The following NOTCH1 variants were observed in gnomAD, a reference collection of about 807,000 sequenced individuals.
NOTCH1 encodes notch receptor 1.
Under a neutral mutation model 254.8 loss-of-function variants are expected in NOTCH1, and 37 were observed. The ratio of observed to expected loss-of-function variants is 0.15; its 90% CI spans 0.11 to 0.19. The LOEUF is 0.19. Ranked by LOEUF, NOTCH1 falls within the 10% of genes least tolerant of loss-of-function variation. The probability of loss-of-function intolerance (pLI) is 1.00; values close to 1 mark genes in which losing one functional copy is unlikely to be tolerated. For missense variants in NOTCH1, 2,972 were observed against 3,708.6 expected (o/e 0.80, Z 5.16); for synonymous variants, 1,731 against 1,618.1 (o/e 1.07, Z -1.68).
In NOTCH1 at chr9:136,540,712, G is replaced by A. The variant is rs1286414187; in HGVS notation, c.140+3312C>T. ...GGCCAGGCCAGGCCTCAGACACGAG[G>A]TTGTCCAAAGCTAAAGCGCACCACC... is the stretch of plus-strand genomic sequence containing the variant. On this transcript the variant is annotated intron_variant, in intron 2 of 33. Coordinates refer to ENST00000651671, the MANE Select transcript of NOTCH1 (RefSeq NM_017617.5). The surrounding 1 kb of genome is among the most constrained non-coding windows in gnomAD (Gnocchi z 4.4). Among the ~76,000 whole-genome samples, 1 of 152,094 alleles carries A rather than the reference G, an allele frequency of 6.6e-6. No homozygotes were observed. Among genetic ancestry groups the A allele is most frequent in the African/African-American group, 2.4e-5 (1 of 41,398 alleles).
At position 136,519,628 on chromosome 9, in the gene NOTCH1, C is replaced by T. The variant is rs754652168; in HGVS notation, c.743-63G>A. On this transcript the variant is annotated intron_variant, in intron 4 of 33. Coordinates refer to ENST00000651671, the MANE Select transcript of NOTCH1 (RefSeq NM_017617.5). ...GTCCAGTCCGGCTCCTGCCTGGACC[C>T]CCGACACACTGCTCTGGACACAAGA... 5 of 1,609,580 alleles carry T rather than the reference C, an allele frequency of 3.1e-6. No individual in the cohort carries two copies. In the African/African-American group the frequency reaches 6.7e-5, roughly 21 times the overall value.
At chr9:136,507,178 G>C in intron 22 of NOTCH1, 127 bp downstream of exon 22, 1 of 1,545,410 alleles carries the variant, frequency 6.5e-7, no homozygotes, top group Non-Finnish European at 8.9e-7. Flanking sequence ...GTCGGCCTTG[G>C]CCTCACACAG....
chr9:136,523,149 G>T lies in NOTCH1; in HGVS notation c.443C>A (p.Pro148His). ...CQQADPCASN[P>H]CANGGQCLPF... The stretch of plus-strand genomic sequence containing the variant: ...CAGGCACTGGCCACCGTTGGCGCAG[G>T]GGTTGGAGGCGCACGGGTCAGCCTG... Residue 148 changes from proline to histidine, a missense_variant, in exon 4 of 34, where the codon CCC becomes CAC. Physicochemically the swap from Pro to His is moderately conservative, Grantham distance 77. Transcript: ENST00000651671. The T allele has an allele frequency of 6.2e-7, 1 of 1,606,178 alleles. No homozygotes were observed. The highest frequency in any genetic ancestry group is 1.1e-5 in the South Asian group (1 of 89,622).
intron 4 of NOTCH1, among the ~76,000 whole-genome samples, chr9:136,520,320 C>CT (rs936323964): frequency 5.3e-5 from 8 of 152,158 alleles, no homozygotes; most frequent in African/African-American, 1.9e-4. Context: ...GCCCCTCCCT[C>CT]TGAGACATTG....
At chr9:136,497,778 G>A (rs757382444) in intron 33 of NOTCH1, among the ~76,000 whole-genome samples, 5 of 152,192 alleles carry the variant, frequency 3.3e-5, no homozygotes, top group African/African-American at 9.7e-5. Flanking sequence ...ACCCAGAGAG[G>A]GGATCTGTGC....
chr9:136,500,917 A>C (rs1842985540), intron 30 of NOTCH1, 70 bp from the exon 31 acceptor site: 1 of 1,490,058 alleles, frequency 6.7e-7, no homozygotes, highest in Non-Finnish European at 9.0e-7. Context: ...GGAGGGGGGC[A>C]GCAGCCCCAA....
At chr9:136,515,202 A>T in intron 12 of NOTCH1, 88 bp downstream of exon 12, 1 of 1,290,600 alleles carries the variant, frequency 7.7e-7, no homozygotes, top group Non-Finnish European at 1.1e-6. Context: ...CAAAGCCCTC[A>T]CCCAACCCCT....
In NOTCH1 at chr9:136,513,561, G is replaced by A. The variant is rs1843216725; in HGVS notation, c.2208-24C>T. The A allele has an allele frequency of 6.2e-7, 1 of 1,612,418 alleles. No individual in the cohort carries two copies. The highest frequency in any genetic ancestry group is 1.3e-5 in the African/African-American group (1 of 74,918). The stretch of plus-strand genomic sequence containing the variant: ...ACCTGCAAGGGGGACCACACTGCAG[G>A]TCGAGGGAGGCCCGAGCAGCACGGC... On this transcript the variant is annotated intron_variant, in intron 13 of 33. Transcript: ENST00000651671. The surrounding 1 kb of genome is among the most constrained non-coding windows in gnomAD (Gnocchi z 4.7).
intron 31 of NOTCH1, among the ~76,000 whole-genome samples, chr9:136,500,119 C>T (rs1448272635): frequency 1.3e-5 from 2 of 152,226 alleles, no homozygotes; most frequent in East Asian, 3.9e-4. Context: ...CAAGCTGAGC[C>T]CTAGGTCTGC....
chr9:136,521,569 G>C (rs1843366984), intron 4 of NOTCH1, among the ~76,000 whole-genome samples: 1 of 152,174 alleles, frequency 6.6e-6, no homozygotes. Context: ...CCAAGAGCTT[G>C]GCCCCTCAAT....
At chr9:136,514,363 C>T (rs1225402237) in intron 13 of NOTCH1, 147 bp downstream of exon 13, 12 of 809,120 alleles carry the variant, frequency 1.5e-5, no homozygotes, top group Admixed American at 6.2e-5. Flanking sequence ...GAGGCATGTG[C>T]GTCCCCGAGG....
chr9:136,542,715 G>A (rs1843749800), intron 2 of NOTCH1, among the ~76,000 whole-genome samples: 1 of 151,938 alleles, frequency 6.6e-6, no homozygotes, highest in Admixed American at 6.6e-5. Context: ...AGTCGGCACA[G>A]GCAGGAGCCG....
Position 136,514,643 on chromosome 9 carries a change from T to C in NOTCH1, c.2074A>G (p.Thr692Ala), listed in dbSNP as rs1385815860. 6.8e-6 allele frequency: 11 copies of C among 1,612,310 alleles called. No individual in the cohort carries two copies. The highest frequency in any genetic ancestry group is 8.5e-7 in the Non-Finnish European group (1 of 1,179,834). The change falls in exon 13 of 34, where the codon ACC (threonine) becomes GCC (alanine). Residue 692 changes from threonine (T) to alanine (A), a missense_variant. Physicochemically the swap from Thr to Ala is moderately conservative, Grantham distance 58 (BLOSUM62 0). This residue lies in a region of NOTCH1 where 1,343 missense variants were observed against 1,557.0 expected (regional missense o/e 0.86). Coordinates refer to ENST00000651671, the MANE Select transcript of NOTCH1 (RefSeq NM_017617.5). ...AAGCCATTGATGCCGTCCTCGCAGGTGCCCCCGTTGTGGCAGGGGTTGCCC... is the reference window on the plus strand; with the variant it reads ...AAGCCATTGATGCCGTCCTCGCAGGCGCCCCCGTTGTGGCAGGGGTTGCCC... ...CAGNPCHNGG[T>A]CEDGINGFTC...
intron 8 of NOTCH1, 71 bp from the exon 9 acceptor site, chr9:136,517,456 G>T: frequency 8.7e-7 from 1 of 1,142,892 alleles, no homozygotes; most frequent in Non-Finnish European, 1.3e-6. Flanking sequence ...CTGTGGACTT[G>T]GGACAGAAAC....
chr9:136,505,265 C>T (rs1461702931), intron 25 of NOTCH1, 45 bp downstream of exon 25: 3 of 1,545,906 alleles, frequency 1.9e-6, no homozygotes, highest in Non-Finnish European at 2.6e-6. Context: ...CAGGCCACAT[C>T]CAAGTTCAGG....
rs1396528813 is a variant in NOTCH1, at chr9:136,513,127, G to C, written c.2361C>G (p.Asn787Lys). 4 of 1,612,620 alleles carry C rather than the reference G, an allele frequency of 2.5e-6. No individual in the cohort carries two copies. The highest frequency in any genetic ancestry group is 2.2e-5 in the South Asian group (2 of 91,066). The change falls in exon 15 of 34, where the codon AAC (asparagine) becomes AAG (lysine). Residue 787 changes from asparagine (N) to lysine (K), a missense_variant. Physicochemically the swap from Asn to Lys is moderately conservative, Grantham distance 94 (BLOSUM62 0). Coordinates refer to ENST00000651671, the MANE Select transcript of NOTCH1 (RefSeq NM_017617.5). The surrounding 1 kb of genome is among the most constrained non-coding windows in gnomAD (Gnocchi z 4.7). ...CTCREGFSGP[N>K]CQTNINECAS... ...CACACTCGTTGATGTTGGTCTGGCA[G>C]TTGGGACCTGGAGGGAAGGGGACAG... is the stretch of plus-strand genomic sequence containing the variant.
rs1056466251 is a variant in NOTCH1 at position 136,495,241 on chromosome 9, T to C, written c.*830A>G. 4 of 398,942 alleles carry C rather than the reference T, an allele frequency of 1.0e-5. No individual in the cohort carries two copies. Among genetic ancestry groups the C allele is most frequent in the Non-Finnish European group, 1.8e-5 (4 of 226,094 alleles). The allele number at this position is 398,942 out of a possible 1,614,324, so 24.7% of individuals were successfully genotyped here. A position where few individuals can be genotyped will look rare whatever the true frequency, so the allele number is the denominator to read the frequency against. ...CAGTCCACACATCTCATGTTTGACA[T>C]GCATGATGCCTACATTTCAAGAACG... On this transcript the variant is annotated 3_prime_UTR_variant, in exon 34 of 34. Coordinates refer to ENST00000651671, the MANE Select transcript of NOTCH1 (RefSeq NM_017617.5).
chr9:136,502,166 C>A (rs1207364115), intron 28 of NOTCH1, 78 bp from the exon 29 acceptor site: 3 of 1,589,846 alleles, frequency 1.9e-6, no homozygotes, highest in Middle Eastern at 1.7e-4. Context: ...CCGGGCCTGG[C>A]GTGGGAGGTG....
At chr9:136,516,830 G>C (rs531694585) in intron 9 of NOTCH1, among the ~76,000 whole-genome samples, 17 of 152,264 alleles carry the variant, frequency 1.1e-4, no homozygotes, top group Admixed American at 5.2e-4. Context: ...CCCTTCCTTC[G>C]GGGAAGTCTG....
Sources: gnomAD v4.1 joint callset for allele counts (sites outside exome capture counted in the v4.1 genomes callset) on GRCh38, gnomAD v4.1.1 for gene constraint, gnomAD v4.1.1 regional missense constraint, Gnocchi (gnomAD v3.1) non-coding constraint, MANE v1.5 for transcripts, NCBI Gene and HGNC (gene_info 2026-07-23, HGNC 2026-07-21) for gene names.